The following ZCWPW2 variants were observed in gnomAD, a reference collection of about 807,000 sequenced individuals.
ZCWPW2 encodes the protein zinc finger CW-type PWWP domain protein 2.
ZCWPW2 carries 45 observed loss-of-function variants against 46.6 expected under a neutral mutation model. The ratio of observed to expected loss-of-function variants is 0.96; its 90% CI spans 0.76 to 1.24. The LOEUF is 1.24. Ranked by LOEUF, ZCWPW2 falls within the 50% of genes most tolerant of loss-of-function variation. The pLI, the probability that ZCWPW2 is intolerant of heterozygous loss-of-function variation, is 0.00. For missense variants in ZCWPW2, 429 were observed against 403.9 expected, an observed-to-expected ratio of 1.06 and a Z score of -0.53; for synonymous variants, 152 against 137.1, an observed-to-expected ratio of 1.11 and a Z score of -0.76.
At position 28,496,763 on chromosome 3, in the gene ZCWPW2, C is replaced by A. The variant is rs1018945958; in HGVS notation, c.657+4590C>A. Among the ~76,000 whole-genome samples the A allele has an allele frequency of 4.0e-5, 6 of 151,692 alleles. No individual in the cohort carries two copies. The South Asian group carries it at 6.2e-4, about 16-fold the overall frequency. Reference sequence around the variant, plus strand: ...TATTAGGTAATTACTAAGTGCCAGGCACTACATACATGTTGTTTCATTTTA... The same window carrying A: ...TATTAGGTAATTACTAAGTGCCAGGAACTACATACATGTTGTTTCATTTTA... On this transcript the variant is annotated intron_variant, in intron 6 of 9. Coordinates refer to ENST00000383768, the MANE Select transcript of ZCWPW2 (RefSeq NM_001040432.4).
intron 4 of ZCWPW2, among the ~76,000 whole-genome samples, chr3:28,476,528 T>C (rs891789630): frequency 1.3e-5 from 2 of 152,158 alleles, no homozygotes; most frequent in South Asian, 4.1e-4. Flanking sequence ...TTTAATTATT[T>C]TCTTATACTA....
chr3:28,454,548 G>A (rs904434262), intron 4 of ZCWPW2, among the ~76,000 whole-genome samples: 65 of 152,224 alleles, frequency 4.3e-4, no homozygotes, highest in African/African-American at 1.5e-3. Context: ...GTAAGTGTGT[G>A]CCATGGTGGT....
chr3:28,460,664 G>T lies in ZCWPW2; in HGVS notation c.493-18150G>T, dbSNP rs150373610. Among the ~76,000 whole-genome samples the T allele has an allele frequency of 1.6e-3, 246 of 152,280 alleles. 3 individuals are homozygous for T. The highest frequency in any genetic ancestry group is 5.6e-3 in the African/African-American group (231 of 41,560). The stretch of plus-strand genomic sequence containing the variant: ...GTTCTTACTGTCTGGATTACTGGTT[G>T]CTGTTGCAGAAATCCAATTTAAAGA... On this transcript the variant is annotated intron_variant, in intron 4 of 9. Coordinates refer to ENST00000383768, the MANE Select transcript of ZCWPW2 (RefSeq NM_001040432.4).
chr3:28,500,983 T>G (rs953255930), intron 6 of ZCWPW2, among the ~76,000 whole-genome samples: 2 of 151,752 alleles, frequency 1.3e-5, no homozygotes, highest in Non-Finnish European at 3.0e-5. Context: ...CATAGGCCAG[T>G]GTTCCCCAGA....
At chr3:28,360,723 A>G (rs991051562) in intron 1 of ZCWPW2, among the ~76,000 whole-genome samples, 1 of 152,118 alleles carries the variant, frequency 6.6e-6, no homozygotes, top group Non-Finnish European at 1.5e-5. Flanking sequence ...CACAGCCACT[A>G]GGATGGCTAT....
At chr3:28,440,924 C>A (rs371668460) in intron 4 of ZCWPW2, among the ~76,000 whole-genome samples, 1 of 152,168 alleles carries the variant, frequency 6.6e-6, no homozygotes, top group East Asian at 1.9e-4. Context: ...TGGCTGATCA[C>A]CCCAAGGAAT....
chr3:28,444,369 CATCAGGGGAGGCCATCA>C (rs1697900439), intron 4 of ZCWPW2, among the ~76,000 whole-genome samples: 1 of 152,244 alleles, frequency 6.6e-6, no homozygotes, highest in East Asian at 1.9e-4. Flanking sequence ...CTGGCAGCTG[CATCAGGGGAGGCCATCA>C]CTGTTGTCTC....
At chr3:28,521,941 C>T (rs1324511261) in intron 9 of ZCWPW2, among the ~76,000 whole-genome samples, 2 of 152,162 alleles carry the variant, frequency 1.3e-5, no homozygotes, top group Non-Finnish European at 2.9e-5. Flanking sequence ...CAATCCTGGT[C>T]CTGCCAATAA....
intron 6 of ZCWPW2, among the ~76,000 whole-genome samples, chr3:28,495,068 GA>G (rs1384739776): frequency 6.6e-6 from 1 of 151,656 alleles, no homozygotes; most frequent in African/African-American, 2.4e-5. Flanking sequence ...CACAGAATTG[GA>G]AAAAACTACT....
chr3:28,423,482 T>C lies in ZCWPW2; in HGVS notation c.332+10082T>C, dbSNP rs1402826479. Among the ~76,000 whole-genome samples, 3 of 150,794 alleles carry C rather than the reference T, an allele frequency of 2.0e-5. No homozygotes were observed. The Admixed American group carries it at 2.0e-4, about 10-fold the overall frequency. ...CCCGGGTTCACGCCATTCTCCTGTC[T>C]CAGCCTCCCGAGTAGCTGGGACTAC... On this transcript the variant is annotated intron_variant, in intron 3 of 9. Transcript: ENST00000383768.
At chr3:28,465,901 C>G (rs1386249418) in intron 4 of ZCWPW2, among the ~76,000 whole-genome samples, 1 of 152,110 alleles carries the variant, frequency 6.6e-6, no homozygotes, top group Non-Finnish European at 1.5e-5. Context: ...GCATCATTCA[C>G]AATAGCAAAT....
chr3:28,482,174 G>A (rs1414118290), intron 5 of ZCWPW2, among the ~76,000 whole-genome samples: 1 of 151,934 alleles, frequency 6.6e-6, no homozygotes, highest in African/African-American at 2.4e-5. Context: ...CTTATTCCCT[G>A]GCAACTACTG....
At chr3:28,370,148 C>T (rs948064746) in intron 1 of ZCWPW2, among the ~76,000 whole-genome samples, 6 of 152,168 alleles carry the variant, frequency 3.9e-5, no homozygotes, top group East Asian at 1.9e-4. Flanking sequence ...ATGCTTGGTG[C>T]GCTGCACCCA....
intron 4 of ZCWPW2, among the ~76,000 whole-genome samples, chr3:28,460,580 C>G (rs1259696902): frequency 6.6e-6 from 1 of 152,114 alleles, no homozygotes; most frequent in Non-Finnish European, 1.5e-5. Context: ...TCTATGGATT[C>G]TCTGATGCAC....
rs1472207213 is a variant in ZCWPW2, at chr3:28,497,697, C to A, written c.657+5524C>A. ...ATCAGTTGTTGCCACCTCTTTGAAC[C>A]AAGATTTAAGAGTGTTGCCATCTTC... is the stretch of plus-strand genomic sequence containing the variant. On this transcript the variant is annotated intron_variant, in intron 6 of 9. Coordinates refer to ENST00000383768, the MANE Select transcript of ZCWPW2 (RefSeq NM_001040432.4). 4.3e-4 allele frequency among the ~76,000 whole-genome samples: 66 copies of A among 152,028 alleles called. 2 individuals are homozygous for A. Among genetic ancestry groups the A allele is most frequent in the Admixed American group, 4.2e-3 (64 of 15,204 alleles).
chr3:28,524,088 T>G (rs1700792604), intron 9 of ZCWPW2, among the ~76,000 whole-genome samples: 1 of 152,046 alleles, frequency 6.6e-6, no homozygotes, highest in Non-Finnish European at 1.5e-5. Flanking sequence ...ATGCATTGTT[T>G]TTACTAGTAT....
intron 6 of ZCWPW2, among the ~76,000 whole-genome samples, chr3:28,508,444 T>C (rs549222710): frequency 6.5e-4 from 99 of 152,300 alleles, no homozygotes; most frequent in Admixed American, 7.2e-4. Context: ...TGAAAATAGC[T>C]ACATGAGGTT....
chr3:28,401,700 C>T (rs1489483023), intron 2 of ZCWPW2, among the ~76,000 whole-genome samples: 3 of 152,004 alleles, frequency 2.0e-5, no homozygotes. Flanking sequence ...AAACAACCCT[C>T]AATAAGAAAG....
chr3:28,511,004 A>C (rs1700411478), intron 6 of ZCWPW2: 1 of 453,894 alleles, frequency 2.2e-6, no homozygotes, highest in African/African-American at 2.0e-5. Flanking sequence ...TGGAACTTGT[A>C]GCCTTTTCAG....
Sources: gnomAD v4.1 joint callset for allele counts (sites outside exome capture counted in the v4.1 genomes callset) on GRCh38, gnomAD v4.1.1 for gene constraint, MANE v1.5 for transcripts, NCBI Gene and HGNC (gene_info 2026-07-23, HGNC 2026-07-21) for gene names.